Variants in SDK1 observed in about 807,000 individuals in gnomAD.
The protein encoded by SDK1 is protein sidekick-1.
SDK1 carries 157 observed loss-of-function variants against 245.5 expected under a neutral mutation model. The observed-to-expected ratio is 0.64, with a 90% confidence interval of 0.56 to 0.73. The LOEUF (loss-of-function observed/expected upper bound fraction) is 0.73, where lower values mean the gene tolerates loss of function less well. Among genes scored for constraint, SDK1 ranks in the 30% least tolerant of loss-of-function variants. The pLI, the probability that SDK1 is intolerant of heterozygous loss-of-function variation, is 0.00. For missense variants in SDK1, 3,583 were observed against 3,002.3 expected (o/e 1.19, Z -4.52); for synonymous variants, 1,647 against 1,278.5 (o/e 1.29, Z -6.15).
chr7:4,155,533 C>T (rs764923690), intron 30 of SDK1, among the ~76,000 whole-genome samples: 12 of 152,350 alleles, frequency 7.9e-5, no homozygotes, highest in Non-Finnish European at 1.5e-4. Context: ...GTGTGAAGTA[C>T]TAAACAGTGG....
chr7:4,095,919 T>G (rs1372098921), intron 22 of SDK1, among the ~76,000 whole-genome samples: 1 of 152,194 alleles, frequency 6.6e-6, no homozygotes, highest in African/African-American at 2.4e-5. Flanking sequence ...GGAATTTCCC[T>G]TGAAGGAACT....
chr7:4,084,743 A>G (rs977992551), intron 22 of SDK1, among the ~76,000 whole-genome samples: 4 of 143,622 alleles, frequency 2.8e-5, no homozygotes, highest in Non-Finnish European at 6.2e-5. Context: ...TGTTACTTAA[A>G]TGTATATTTT....
intron 4 of SDK1, among the ~76,000 whole-genome samples, chr7:3,748,392 A>G (rs1779685398): frequency 6.6e-6 from 1 of 152,204 alleles, no homozygotes; most frequent in African/African-American, 2.4e-5. Flanking sequence ...ATCTTGGAAC[A>G]TTTCATTGAA....
In SDK1 at chr7:4,153,167, A is replaced by G. The variant is rs540060567; in HGVS notation, c.4625+3704A>G. Among the ~76,000 whole-genome samples, 4 of 151,262 alleles carry G rather than the reference A, an allele frequency of 2.6e-5. No individual in the cohort carries two copies. In the East Asian group the frequency reaches 7.8e-4, roughly 29 times the overall value. On this transcript the variant is annotated intron_variant, in intron 30 of 44. Transcript: ENST00000404826. ...CAGAAGACAGAAAGGCGCAGAGGGA[A>G]TGAGCATGGAAAACAGCAGGGATTC... is the stretch of plus-strand genomic sequence containing the variant.
intron 2 of SDK1, among the ~76,000 whole-genome samples, chr7:3,629,347 G>A (rs1284314982): frequency 6.6e-6 from 1 of 151,728 alleles, no homozygotes; most frequent in Admixed American, 6.6e-5. Flanking sequence ...GCACTACACA[G>A]AGAAAGAATG....
At position 3,590,458 on chromosome 7, in the gene SDK1, T is replaced by C. The variant is rs1780832369; in HGVS notation, c.299-28622T>C. On this transcript the variant is annotated intron_variant, in intron 1 of 44. Coordinates refer to ENST00000404826, the MANE Select transcript of SDK1 (RefSeq NM_152744.4). ...ATGTAACAAATTTAATGACAAACTA[T>C]ACCAACAAGTGAATTGACGATTTAA... Among the ~76,000 whole-genome samples the C allele has an allele frequency of 2.6e-5, 4 of 152,174 alleles. No individual in the cohort carries two copies. In the South Asian group the frequency reaches 8.3e-4, roughly 31 times the overall value.
intron 4 of SDK1, among the ~76,000 whole-genome samples, chr7:3,756,859 G>C (rs534059779): frequency 6.6e-6 from 1 of 152,292 alleles, no homozygotes; most frequent in East Asian, 1.9e-4. Context: ...GGACCCTTTT[G>C]ATGATATCAT....
chr7:3,943,167 T>C (rs1310575643), intron 5 of SDK1, among the ~76,000 whole-genome samples: 1 of 152,198 alleles, frequency 6.6e-6, no homozygotes, highest in Non-Finnish European at 1.5e-5. Context: ...AAAATCCCAC[T>C]GCTTTAGGGC....
intron 1 of SDK1, among the ~76,000 whole-genome samples, chr7:3,422,504 A>G (rs1444459036): frequency 1.3e-5 from 2 of 152,172 alleles, no homozygotes; most frequent in African/African-American, 4.8e-5. Flanking sequence ...TTGAAAAATC[A>G]AATTATTGCT....
At chr7:3,708,759 TG>T (rs1204093231) in intron 4 of SDK1, among the ~76,000 whole-genome samples, 1 of 152,252 alleles carries the variant, frequency 6.6e-6, no homozygotes, top group Non-Finnish European at 1.5e-5. Context: ...AAACGAGATT[TG>T]GGCAGGGGCA....
rs542860488 is a variant in SDK1 at position 3,431,986 on chromosome 7, C to G, written c.298+130102C>G. Among the ~76,000 whole-genome samples, 19 of 151,862 alleles carry G rather than the reference C, an allele frequency of 1.3e-4. No individual in the cohort carries two copies. In the South Asian group the frequency reaches 1.3e-3, roughly 10 times the overall value. On this transcript the variant is annotated intron_variant, in intron 1 of 44. Transcript: ENST00000404826. ...GATTAACAAATGTTAAATTATACATCCCAGTTTACAAAATATACCCGTTGA... is the reference window on the plus strand; with the variant it reads ...GATTAACAAATGTTAAATTATACATGCCAGTTTACAAAATATACCCGTTGA...
At chr7:3,508,733 C>G (rs982628425) in intron 1 of SDK1, among the ~76,000 whole-genome samples, 1 of 152,112 alleles carries the variant, frequency 6.6e-6, no homozygotes, top group African/African-American at 2.4e-5. Context: ...CACTTCGAAC[C>G]CTAGTATTGA....
intron 4 of SDK1, among the ~76,000 whole-genome samples, chr7:3,743,484 G>A (rs1779532747): frequency 6.6e-6 from 1 of 152,140 alleles, no homozygotes; most frequent in Admixed American, 6.5e-5. Flanking sequence ...TGTGGAAGGA[G>A]GGCAAGCAGC....
At chr7:3,498,068 A>G (rs1433116139) in intron 1 of SDK1, among the ~76,000 whole-genome samples, 1 of 152,234 alleles carries the variant, frequency 6.6e-6, no homozygotes, top group Non-Finnish European at 1.5e-5. Flanking sequence ...TGGCCACTTA[A>G]AACCCTAAGG....
At chr7:3,565,445 G>A (rs1050552733) in intron 1 of SDK1, among the ~76,000 whole-genome samples, 1 of 152,292 alleles carries the variant, frequency 6.6e-6, no homozygotes, top group African/African-American at 2.4e-5. Context: ...GTCCTGATCA[G>A]TGCTATCCAG....
chr7:3,806,695 G>A (rs1200645019), intron 4 of SDK1, among the ~76,000 whole-genome samples: 2 of 152,350 alleles, frequency 1.3e-5, no homozygotes, highest in Admixed American at 6.5e-5. Context: ...ATGAAACCAC[G>A]TTGCAGTTCT....
At chr7:4,031,587 G>A (rs1057409016) in intron 17 of SDK1, among the ~76,000 whole-genome samples, 1 of 151,992 alleles carries the variant, frequency 6.6e-6, no homozygotes. Flanking sequence ...ACTTACATAT[G>A]TCAAGAAGTG....
intron 12 of SDK1, among the ~76,000 whole-genome samples, chr7:3,973,959 A>T (rs926471367): frequency 2.0e-5 from 3 of 152,110 alleles, no homozygotes; most frequent in African/African-American, 7.2e-5. Flanking sequence ...AGACGGGCAG[A>T]TCACTTGAGG....
chr7:3,533,583 A>C (rs376087044), intron 1 of SDK1, among the ~76,000 whole-genome samples: 16 of 152,316 alleles, frequency 1.1e-4, no homozygotes, highest in Admixed American at 4.6e-4. Context: ...AAATGGCAGT[A>C]CTGGGTACTC....
Sources: gnomAD v4.1 joint callset for allele counts (sites outside exome capture counted in the v4.1 genomes callset) on GRCh38, gnomAD v4.1.1 for gene constraint, MANE v1.5 for transcripts, NCBI Gene and HGNC (gene_info 2026-07-23, HGNC 2026-07-21) for gene names.